Variants in SHTN1 observed in about 807,000 individuals in gnomAD.
The protein encoded by SHTN1 is shootin 1.
SHTN1 carries 42 observed loss-of-function variants against 83.1 expected under a neutral mutation model. That is an observed-to-expected ratio of 0.51 (90% confidence interval 0.39 to 0.65). The LOEUF is 0.65. SHTN1 is among the 30% of genes least tolerant of loss of function. SHTN1 has a pLI of 0.00. For synonymous variants in SHTN1, 224 were observed against 247.7 expected, an observed-to-expected ratio of 0.90 and a Z score of 0.90; for missense variants, 622 against 737.8, an observed-to-expected ratio of 0.84 and a Z score of 1.82.
At chr10:117,106,932 T>C (rs985122853) in intron 1 of SHTN1, among the ~76,000 whole-genome samples, 4 of 152,180 alleles carry the variant, frequency 2.6e-5, no homozygotes, top group African/African-American at 9.7e-5. Flanking sequence ...AGGGTATCTA[T>C]TTTGCAGGAT....
chr10:116,919,830 A>G (rs1294523814), intron 12 of SHTN1, among the ~76,000 whole-genome samples: 1 of 147,894 alleles, frequency 6.8e-6, no homozygotes, highest in East Asian at 2.0e-4. Flanking sequence ...AATAGATTCC[A>G]AAGGATTGCA....
intron 13 of SHTN1, among the ~76,000 whole-genome samples, chr10:116,913,188 C>T (rs1211891426): frequency 6.6e-6 from 1 of 152,228 alleles, no homozygotes; most frequent in Non-Finnish European, 1.5e-5. Context: ...AAATGCCCTG[C>T]CTTTAGGCAT....
At position 116,886,099 on chromosome 10, in the gene SHTN1, A is replaced by T; in HGVS notation, c.*245T>A. 1.9e-6 allele frequency: 1 copy of T among 534,854 alleles called. No individual in the cohort carries two copies. The highest frequency in any genetic ancestry group is 3.2e-6 in the Non-Finnish European group (1 of 307,788). 33.1% of individuals were successfully genotyped at this position (534,854 alleles called of 1,614,324 possible). On this transcript the variant is annotated 3_prime_UTR_variant, in exon 17 of 17. Coordinates refer to ENST00000355371, the MANE Select transcript of SHTN1 (RefSeq NM_001127211.3). Reference sequence around the variant, plus strand: ...TTCTAAAAGAAGTCATACTTAATACAGTAACTAGGAAAAAAACCTCATCTT... The same window carrying T: ...TTCTAAAAGAAGTCATACTTAATACTGTAACTAGGAAAAAAACCTCATCTT...
chr10:116,892,203 T>C (rs1270586868), intron 16 of SHTN1, among the ~76,000 whole-genome samples: 2 of 152,210 alleles, frequency 1.3e-5, no homozygotes, highest in African/African-American at 2.4e-5. Context: ...GGGAGCCTTG[T>C]AGCTTGTACC....
chr10:116,991,635 T>G (rs1339936587), intron 1 of SHTN1, among the ~76,000 whole-genome samples: 2 of 152,124 alleles, frequency 1.3e-5, no homozygotes, highest in African/African-American at 4.8e-5. Flanking sequence ...CAGGCATTAC[T>G]AGGAGGACAA....
At chr10:117,086,551 T>C (rs1317614435) in intron 1 of SHTN1, among the ~76,000 whole-genome samples, 1 of 152,226 alleles carries the variant, frequency 6.6e-6, no homozygotes, top group Non-Finnish European at 1.5e-5. Flanking sequence ...CCTTCTCTGG[T>C]TTTAATTTTA....
intron 2 of SHTN1, among the ~76,000 whole-genome samples, chr10:117,047,897 A>G (rs1381580722): frequency 9.7e-6 from 1 of 102,660 alleles, no homozygotes; most frequent in Non-Finnish European, 2.5e-5. Flanking sequence ...GATTATAGGC[A>G]TGAGCCAAAA....
chr10:116,930,457 A>T (rs528764908), intron 9 of SHTN1, among the ~76,000 whole-genome samples: 1 of 152,172 alleles, frequency 6.6e-6, no homozygotes, highest in East Asian at 1.9e-4. Flanking sequence ...ATCAATGCTT[A>T]GCTCCCACTT....
At chr10:117,061,628 C>T (rs1445055946) in intron 1 of SHTN1, among the ~76,000 whole-genome samples, 4 of 151,946 alleles carry the variant, frequency 2.6e-5, no homozygotes, top group African/African-American at 9.7e-5. Context: ...GGCCACCATG[C>T]ACGGCCAATT....
chr10:116,929,102 G>A (rs1486831538), intron 10 of SHTN1, among the ~76,000 whole-genome samples: 1 of 152,058 alleles, frequency 6.6e-6, no homozygotes, highest in Non-Finnish European at 1.5e-5. Context: ...AGGAAAAAAG[G>A]CCTACATGGT....
intron 1 of SHTN1, among the ~76,000 whole-genome samples, chr10:117,068,156 C>G (rs1314041955): frequency 6.6e-6 from 1 of 152,084 alleles, no homozygotes; most frequent in African/African-American, 2.4e-5. Flanking sequence ...TTTTGGGAGG[C>G]CAAGGCAGGT....
chr10:117,076,517 G>C (rs754620126), intron 1 of SHTN1, among the ~76,000 whole-genome samples: 1 of 152,048 alleles, frequency 6.6e-6, no homozygotes, highest in Non-Finnish European at 1.5e-5. Flanking sequence ...AATTATAACA[G>C]AAATGATCAA....
intron 2 of SHTN1, among the ~76,000 whole-genome samples, chr10:117,046,900 G>C (rs1209414756): frequency 6.6e-6 from 1 of 151,808 alleles, no homozygotes; most frequent in Non-Finnish European, 1.5e-5. Context: ...CTGGGATAAT[G>C]AAAATATTCT....
rs1564956295 is a variant in SHTN1, at chr10:117,090,804, AGG to A, written c.-189+35501_-189+35502del. The stretch of plus-strand genomic sequence containing the variant: ...AAGGAAGGAAGGAAGGAAGGAAGGA[AGG>A]AAGGAAGGAAGGAAAGGAGGGAGGG... On this transcript the variant is annotated intron_variant, in intron 1 of 17. Coordinates refer to the SHTN1 transcript ENST00000392901. 2.0e-4 allele frequency among the ~76,000 whole-genome samples: 27 copies of A among 131,800 alleles called. No individual in the cohort carries two copies. In the East Asian group the frequency reaches 6.4e-3, roughly 31 times the overall value. The allele number at this position is 131,800 out of a possible 152,430, so 86.5% of individuals were successfully genotyped here. A position where few individuals can be genotyped will look rare whatever the true frequency, so the allele number is the denominator to read the frequency against.
chr10:117,114,064 A>T (rs1378108399), intron 1 of SHTN1, among the ~76,000 whole-genome samples: 1 of 152,144 alleles, frequency 6.6e-6, no homozygotes, highest in Non-Finnish European at 1.5e-5. Flanking sequence ...AAATAAAAAA[A>T]AAAAGCTGGG....
chr10:116,989,045 A>C (rs1297806132), intron 1 of SHTN1, among the ~76,000 whole-genome samples: 1 of 152,210 alleles, frequency 6.6e-6, no homozygotes, highest in African/African-American at 2.4e-5. Flanking sequence ...CCTGTACCCC[A>C]AAAATCCATA....
intron 9 of SHTN1, among the ~76,000 whole-genome samples, chr10:116,933,711 T>C (rs1849053697): frequency 6.6e-6 from 1 of 152,198 alleles, no homozygotes; most frequent in African/African-American, 2.4e-5. Flanking sequence ...TCAAATGGTA[T>C]TTCTGGTTCT....
At chr10:117,046,565 C>T (rs911277095) in intron 2 of SHTN1, among the ~76,000 whole-genome samples, 3 of 152,150 alleles carry the variant, frequency 2.0e-5, no homozygotes, top group African/African-American at 7.2e-5. Context: ...CACACAAAAA[C>T]ATGAATATTC....
intron 8 of SHTN1, among the ~76,000 whole-genome samples, chr10:116,941,634 A>T (rs1277982743): frequency 6.6e-6 from 1 of 152,228 alleles, no homozygotes. Flanking sequence ...GATTTGCTAA[A>T]GCCCTCATAT....
Sources: gnomAD v4.1 joint callset for allele counts (sites outside exome capture counted in the v4.1 genomes callset) on GRCh38, gnomAD v4.1.1 for gene constraint, MANE v1.5 for transcripts, NCBI Gene and HGNC (gene_info 2026-07-23, HGNC 2026-07-21) for gene names.